Variants in TRIOBP observed in about 807,000 individuals in gnomAD.
TRIOBP encodes TRIO and F-actin binding protein.
TRIOBP carries 169 observed loss-of-function variants against 238.8 expected under a neutral mutation model. That is an observed-to-expected ratio of 0.71 (90% CI 0.62 to 0.80). The LOEUF is 0.80. Ranked by LOEUF, TRIOBP falls within the 30% of genes least tolerant of loss-of-function variation. TRIOBP has a pLI of 0.00. For synonymous variants in TRIOBP, 1,150 were observed against 1,274.4 expected (o/e 0.90, Z 2.08); for missense variants, 2,838 against 3,122.6 (o/e 0.91, Z 2.17).
rs149918130 is a variant in TRIOBP at position 37,706,053 on chromosome 22, G to A, written c.115-4374G>A. ...GAGATGATTGGGGCTTTGAGATGGA[G>A]GCAAATGGACACATTTCCGAACTAA... On this transcript the variant is annotated intron_variant, in intron 3 of 23. Transcript: ENST00000644935. 1.2e-3 allele frequency among the ~76,000 whole-genome samples: 177 copies of A among 152,242 alleles called. 1 individual carries two copies. Among genetic ancestry groups the A allele is most frequent in the Middle Eastern group, 6.8e-3 (2 of 294 alleles).
At chr22:37,738,842 G>A in intron 10 of TRIOBP, 123 bp downstream of exon 10, 1 of 1,005,134 alleles carries the variant, frequency 9.9e-7, no homozygotes, top group Non-Finnish European at 1.5e-6. Context: ...TTGCCATGGG[G>A]TCATCTATGT....
intron 11 of TRIOBP, among the ~76,000 whole-genome samples, chr22:37,743,571 C>T (rs1444294204): frequency 6.6e-6 from 1 of 152,170 alleles, no homozygotes; most frequent in Non-Finnish European, 1.5e-5. Context: ...AGACAAAAAA[C>T]ATTCCAGCCC....
intron 12 of TRIOBP, among the ~76,000 whole-genome samples, chr22:37,753,010 G>A (rs1925704205): frequency 6.6e-6 from 1 of 152,216 alleles, no homozygotes; most frequent in Admixed American, 6.5e-5. Flanking sequence ...GACAGTCATA[G>A]GCTAGGCCTG....
intron 5 of TRIOBP, among the ~76,000 whole-genome samples, chr22:37,714,353 C>T (rs933289516): frequency 6.6e-6 from 1 of 152,198 alleles, no homozygotes; most frequent in Non-Finnish European, 1.5e-5. Flanking sequence ...GCCAGGCAAA[C>T]AGCACATGCT....
Position 37,734,774 on chromosome 22 carries a change from A to G in TRIOBP, c.4438A>G (p.Thr1480Ala). ...AGCCCCGGAGGGAGCATGGGGGGGC[A>G]CTTCCAGGGAGTACAAGGAGAGCTG... ...AKAPEGAWGG[T>A]SREYKESWGQ... Residue 1480 changes from threonine (T) to alanine (A), a missense_variant, in exon 9 of 24, where the codon ACT (threonine) becomes GCT (alanine). By Grantham distance (58) the Thr-to-Ala change is moderately conservative. Coordinates refer to ENST00000644935, the MANE Select transcript of TRIOBP (RefSeq NM_001039141.3). 6.2e-7 allele frequency: 1 copy of G among 1,612,150 alleles called. No homozygotes were observed. The highest frequency in any genetic ancestry group is 8.5e-7 in the Non-Finnish European group (1 of 1,179,668).
At position 37,723,741 on chromosome 22, in the gene TRIOBP, A is replaced by C. The variant is rs373739890; in HGVS notation, c.1185A>C (p.Arg395Ser). Residue 395 changes from arginine to serine, a missense_variant, in exon 7 of 24, where the codon AGA becomes AGC. This residue lies in a region of TRIOBP where 535 missense variants were observed against 537.3 expected (regional missense o/e 1.00). Coordinates refer to ENST00000644935, the MANE Select transcript of TRIOBP (RefSeq NM_001039141.3). ...QDDPRASSPN[R>S]TTQRENSRTS... ...ATCCCAGAGCCTCCTCTCCCAACAGAACCACTCAACGAGAGAATTCCAGAA... is the reference window on the plus strand; with the variant it reads ...ATCCCAGAGCCTCCTCTCCCAACAGCACCACTCAACGAGAGAATTCCAGAA... 33 of 1,586,994 alleles carry C rather than the reference A, an allele frequency of 2.1e-5. No individual in the cohort carries two copies. Among genetic ancestry groups the C allele is most frequent in the Non-Finnish European group, 2.8e-5 (32 of 1,163,410 alleles).
Position 37,710,279 on chromosome 22 carries a change from C to T in TRIOBP, c.115-148C>T, listed in dbSNP as rs188617116. On this transcript the variant is annotated intron_variant, in intron 3 of 23. Coordinates refer to ENST00000644935, the MANE Select transcript of TRIOBP (RefSeq NM_001039141.3). ...CCCTCGGCTTGAGTCCCAAGGGGTGCTTCTAGCCTGATGGGCAGCTCCTTG... is the reference window on the plus strand; with the variant it reads ...CCCTCGGCTTGAGTCCCAAGGGGTGTTTCTAGCCTGATGGGCAGCTCCTTG... 1,569 of 1,245,972 alleles carry T rather than the reference C, an allele frequency of 1.3e-3. 14 individuals carry two copies. The African/African-American group carries it at 0.021, about 16-fold the overall frequency. 77.2% of individuals were successfully genotyped at this position (1,245,972 alleles called of 1,614,324 possible).
intron 11 of TRIOBP, chr22:37,746,232 A>AAT: frequency 9.3e-7 from 1 of 1,080,920 alleles, no homozygotes; most frequent in Non-Finnish European, 1.1e-6. Flanking sequence ...AAAAAAAAAA[A>AAT]GTTTTATGGG....
intron 17 of TRIOBP, among the ~76,000 whole-genome samples, 161 bp from the exon 18 acceptor site, chr22:37,765,509 C>T (rs1295363857): frequency 9.5e-6 from 1 of 105,606 alleles, no homozygotes; most frequent in East Asian, 3.0e-4. Context: ...AATGAGGAGC[C>T]GTGGGGTGGG....
Position 37,751,908 on chromosome 22 carries a change from G to A in TRIOBP, c.5379+80G>A, listed in dbSNP as rs865866155. The A allele has an allele frequency of 1.0e-5, 15 of 1,466,558 alleles. No individual in the cohort carries two copies. In the Middle Eastern group the frequency reaches 6.2e-4, roughly 61 times the overall value. 90.8% of individuals were successfully genotyped at this position (1,466,558 alleles called of 1,614,324 possible). On this transcript the variant is annotated intron_variant, in intron 12 of 23. Coordinates refer to ENST00000644935, the MANE Select transcript of TRIOBP (RefSeq NM_001039141.3). Reference sequence around the variant, plus strand: ...CTGGGCAGCCCAGGAGTGGGGGTGGGGCTGGGGCTGGTGTGAGAACCCTGG... The same window carrying A: ...CTGGGCAGCCCAGGAGTGGGGGTGGAGCTGGGGCTGGTGTGAGAACCCTGG...
chr22:37,698,913 C>T (rs909705450), intron 2 of TRIOBP, among the ~76,000 whole-genome samples: 3 of 151,832 alleles, frequency 2.0e-5, no homozygotes, highest in South Asian at 2.1e-4. Context: ...TTTGGGAGGC[C>T]GAAGGGGGCG....
chr22:37,768,462 A>G (rs1926607708), intron 19 of TRIOBP, among the ~76,000 whole-genome samples: 1 of 152,144 alleles, frequency 6.6e-6, no homozygotes, highest in Admixed American at 6.6e-5. Context: ...GTTGACCACT[A>G]GGCCTCTCCC....
At chr22:37,711,429 A>T (rs1356332114) in intron 4 of TRIOBP, among the ~76,000 whole-genome samples, 2 of 151,996 alleles carry the variant, frequency 1.3e-5, no homozygotes, top group Middle Eastern at 3.2e-3. Context: ...CTATACAAAA[A>T]TTAGCCAGGC....
rs1422974964 is a variant in TRIOBP at position 37,759,242 on chromosome 22, T to TC, written c.6308dup (p.Tyr2105LeufsTer8). 1 of 1,612,750 alleles carries TC rather than the reference T, an allele frequency of 6.2e-7. No homozygotes were observed. Among genetic ancestry groups the TC allele is most frequent in the Non-Finnish European group, 8.5e-7 (1 of 1,179,884 alleles). The stretch of plus-strand genomic sequence containing the variant: ...CTGAGATCCCAGGAGGATGGCCACA[T>TC]CCCCCCGGGCTACATCTCACAGGTA... On this transcript the variant is annotated frameshift_variant, in exon 17 of 24. Coordinates refer to ENST00000644935, the MANE Select transcript of TRIOBP (RefSeq NM_001039141.3). LOFTEE classifies it high-confidence loss of function.
intron 9 of TRIOBP, among the ~76,000 whole-genome samples, chr22:37,738,333 T>TAGATGGTAGAC (rs11271015): frequency 6.6e-6 from 1 of 151,706 alleles, no homozygotes; most frequent in Non-Finnish European, 1.5e-5. Flanking sequence ...TGTCAGATGA[T>TAGATGGTAGAC]AGATGTTGGA....
chr22:37,725,470 T>C lies in TRIOBP; in HGVS notation c.2914T>C (p.Leu972=), dbSNP rs769144950. The change falls in exon 7 of 24, where the codon TTG becomes CTG. Residue 972 remains leucine, a synonymous_variant. Transcript: ENST00000644935. ...CTCCTTTGGCCCCACCCAGTACAACTTGCCATCCCGGGCCACCTCTTCCTC... is the reference window on the plus strand; with the variant it reads ...CTCCTTTGGCCCCACCCAGTACAACCTGCCATCCCGGGCCACCTCTTCCTC... The part of the protein sequence containing the change: ...QSSFGPTQYN[L]PSRATSSSHN... 2.7e-5 allele frequency: 43 copies of C among 1,612,978 alleles called. No individual in the cohort carries two copies. The highest frequency in any genetic ancestry group is 3.5e-5 in the Non-Finnish European group (41 of 1,179,700).
intron 15 of TRIOBP, among the ~76,000 whole-genome samples, chr22:37,756,329 G>A (rs1288242993): frequency 6.7e-6 from 1 of 150,350 alleles, no homozygotes; most frequent in Non-Finnish European, 1.5e-5. Flanking sequence ...GCCGTGGTAG[G>A]GTGCGCCTGT....
intron 11 of TRIOBP, chr22:37,750,541 C>T: frequency 2.3e-6 from 1 of 434,252 alleles, no homozygotes; most frequent in South Asian, 1.6e-5. Flanking sequence ...CAGCCTCCGT[C>T]TCAGGTGGAA....
chr22:37,769,416 G>T, intron 21 of TRIOBP, 41 bp downstream of exon 21: 1 of 1,526,544 alleles, frequency 6.6e-7, no homozygotes, highest in South Asian at 1.2e-5. Context: ...AGTGGTTCTC[G>T]GGGCCCGGGG....
Sources: allele counts gnomAD v4.1 joint callset (sites outside exome capture counted in the v4.1 genomes callset), GRCh38; gene constraint gnomAD v4.1.1; regional missense constraint gnomAD v4.1.1; transcripts MANE v1.5; gene names NCBI Gene and HGNC (gene_info 2026-07-23, HGNC 2026-07-21).